Variants in TAOK3 observed in about 807,000 individuals in gnomAD.
TAOK3 encodes TAO kinase 3, also known as serine/threonine-protein kinase TAO3.
TAOK3 carries 40 observed loss-of-function variants against 120.4 expected under a neutral mutation model. That is an observed-to-expected ratio of 0.33 (90% CI 0.26 to 0.43). The LOEUF is 0.43. TAOK3 is among the 20% of genes least tolerant of loss of function. The probability of loss-of-function intolerance (pLI) is 1.00; values close to 1 mark genes in which losing one functional copy is unlikely to be tolerated. For missense variants in TAOK3, 821 were observed against 1,112.1 expected, an observed-to-expected ratio of 0.74 and a Z score of 3.72; for synonymous variants, 355 against 387.5, an observed-to-expected ratio of 0.92 and a Z score of 0.99.
chr12:118,247,725 G>A (rs1036344213), intron 3 of TAOK3, among the ~76,000 whole-genome samples: 1 of 152,052 alleles, frequency 6.6e-6, no homozygotes, highest in Non-Finnish European at 1.5e-5. Context: ...ATATTGGCCA[G>A]GCTGGTCTCG....
chr12:118,195,506 G>C (rs1052554117), intron 13 of TAOK3, among the ~76,000 whole-genome samples: 1 of 152,106 alleles, frequency 6.6e-6, no homozygotes, highest in Non-Finnish European at 1.5e-5. Context: ...TTGAGGTGTG[G>C]AATTGTGTCC....
At chr12:118,184,350 C>CA (rs576256737) in intron 14 of TAOK3, among the ~76,000 whole-genome samples, 3 of 152,026 alleles carry the variant, frequency 2.0e-5, no homozygotes, top group Non-Finnish European at 4.4e-5. Context: ...ATGAAATATA[C>CA]AAAAAATATG....
chr12:118,270,641 G>T (rs2041656759), intron 1 of TAOK3, among the ~76,000 whole-genome samples: 1 of 147,464 alleles, frequency 6.8e-6, no homozygotes, highest in Non-Finnish European at 1.5e-5. Flanking sequence ...CCAAATCTCA[G>T]CTATTCTTAC....
chr12:118,233,622 T>C, intron 9 of TAOK3, 52 bp downstream of exon 9: 1 of 1,350,174 alleles, frequency 7.4e-7, no homozygotes, highest in Non-Finnish European at 1.1e-6. Flanking sequence ...AAAATTCATC[T>C]GCAAAATAGA....
intron 1 of TAOK3, among the ~76,000 whole-genome samples, chr12:118,363,466 GGATAA>G (rs1398459419): frequency 5.9e-5 from 9 of 152,134 alleles, no homozygotes; most frequent in African/African-American, 9.6e-5. Flanking sequence ...TATCTAAGAA[GGATAA>G]GATAAGTACA....
chr12:118,331,209 G>C (rs950518878), intron 1 of TAOK3, among the ~76,000 whole-genome samples: 7 of 152,154 alleles, frequency 4.6e-5, no homozygotes, highest in African/African-American at 1.7e-4. Context: ...TTGACTTAGA[G>C]AGGGAATGAA....
intron 1 of TAOK3, among the ~76,000 whole-genome samples, chr12:118,323,423 G>T (rs528535700): frequency 6.6e-6 from 1 of 152,132 alleles, no homozygotes; most frequent in African/African-American, 2.4e-5. Context: ...AAATAATTTT[G>T]ATTTTTACAC....
intron 11 of TAOK3, among the ~76,000 whole-genome samples, chr12:118,208,655 A>T: frequency 6.6e-6 from 1 of 152,124 alleles, no homozygotes. Flanking sequence ...TATCTATCTA[A>T]ATTTAAAATC....
intron 1 of TAOK3, among the ~76,000 whole-genome samples, chr12:118,292,397 A>C (rs1246158598): frequency 6.6e-6 from 1 of 152,216 alleles, no homozygotes; most frequent in East Asian, 1.9e-4. Context: ...AGACAGAAAG[A>C]AGTAAGAGTT....
intron 1 of TAOK3, among the ~76,000 whole-genome samples, chr12:118,348,839 T>A (rs1183961345): frequency 1.3e-5 from 2 of 149,396 alleles, no homozygotes; most frequent in Non-Finnish European, 3.0e-5. Flanking sequence ...AGAAAAAAAA[T>A]AATTTCTTTT....
chr12:118,191,406 G>A (rs542208490), intron 13 of TAOK3, among the ~76,000 whole-genome samples: 42 of 152,244 alleles, frequency 2.8e-4, no homozygotes, highest in South Asian at 6.2e-4. Context: ...CTGCAGCTGC[G>A]CTGTCCAGCA....
At chr12:118,177,149 G>A in intron 16 of TAOK3, 52 bp downstream of exon 16, 1 of 1,584,750 alleles carries the variant, frequency 6.3e-7, no homozygotes, top group South Asian at 1.1e-5. Context: ...TGAATGTTAA[G>A]TTCCAACCAT....
intron 1 of TAOK3, among the ~76,000 whole-genome samples, chr12:118,336,545 A>C (rs1164969719): frequency 3.3e-5 from 5 of 152,168 alleles, no homozygotes; most frequent in African/African-American, 9.6e-5. Flanking sequence ...GAATAGGCAA[A>C]GAATTCTGAG....
At chr12:118,370,257 T>C (rs909155204) in intron 1 of TAOK3, among the ~76,000 whole-genome samples, 2 of 152,208 alleles carry the variant, frequency 1.3e-5, no homozygotes, top group African/African-American at 2.4e-5. Context: ...TAATGTCAAA[T>C]AAAATCCCTA....
At chr12:118,159,933 T>C (rs984610225) in intron 19 of TAOK3, 23 of 588,236 alleles carry the variant, frequency 3.9e-5, no homozygotes, top group Middle Eastern at 4.6e-4. Flanking sequence ...TGATGTGGCA[T>C]GTCACTCCTT....
Position 118,161,392 on chromosome 12 carries a change from AAGCTTGGATGT to A in TAOK3, c.2139+385_2139+395del, listed in dbSNP as rs1366574772. On this transcript the variant is annotated intron_variant, in intron 18 of 20. Transcript: ENST00000392533. The surrounding 1 kb of genome is among the most constrained non-coding windows in gnomAD (Gnocchi z 4.5). ...CTAATAAATGACACTCTTTCCTCCT[AAGCTTGGATGT>A]GGCTTTAGAGTCTTTCTCAATACAG... Among the ~76,000 whole-genome samples, 4 of 152,152 alleles carry A rather than the reference AAGCTTGGATGT, an allele frequency of 2.6e-5. No homozygotes were observed. The highest frequency in any genetic ancestry group is 4.4e-5 in the Non-Finnish European group (3 of 68,016).
intron 13 of TAOK3, among the ~76,000 whole-genome samples, chr12:118,194,658 G>C (rs1477099306): frequency 1.0e-5 from 1 of 96,036 alleles, no homozygotes; most frequent in South Asian, 3.3e-4. Context: ...GGTGAAAGCT[G>C]TTCTTTTTTT....
rs572970290 is a variant in TAOK3 at position 118,314,805 on chromosome 12, A to G, written c.-193-48046T>C. On this transcript the variant is annotated intron_variant, in intron 1 of 20. Transcript: ENST00000392533. The stretch of plus-strand genomic sequence containing the variant: ...TTATCAAGACCAGGTTTTTGCTCAG[A>G]ATAAGGTGAAAAAAATTACTACAAC... Among the ~76,000 whole-genome samples, 9 of 152,316 alleles carry G rather than the reference A, an allele frequency of 5.9e-5. No individual in the cohort carries two copies. In the South Asian group the frequency reaches 1.9e-3, roughly 32 times the overall value.
intron 9 of TAOK3, among the ~76,000 whole-genome samples, chr12:118,215,089 C>T (rs1343112963): frequency 1.3e-5 from 2 of 151,162 alleles, no homozygotes; most frequent in Non-Finnish European, 3.0e-5. Flanking sequence ...TTATATTGGC[C>T]AGGCTGGTCT....
Sources: gnomAD v4.1 joint callset for allele counts (sites outside exome capture counted in the v4.1 genomes callset) on GRCh38, gnomAD v4.1.1 for gene constraint, Gnocchi (gnomAD v3.1) non-coding constraint, MANE v1.5 for transcripts, NCBI Gene and HGNC (gene_info 2026-07-23, HGNC 2026-07-21) for gene names.